SPECC1L: variants seen among roughly 807,000 people sequenced by gnomAD.
The protein encoded by SPECC1L is cytospin-A.
SPECC1L carries 40 observed loss-of-function variants against 116.8 expected under a neutral mutation model. The ratio of observed to expected loss-of-function variants is 0.34; its 90% CI spans 0.27 to 0.45. The LOEUF is 0.45. Among genes scored for constraint, SPECC1L ranks in the 20% least tolerant of loss-of-function variants. SPECC1L has a pLI of 1.00. For synonymous variants in SPECC1L, 504 were observed against 500.6 expected (o/e 1.01, Z -0.09); for missense variants, 1,110 against 1,373.6 (o/e 0.81, Z 3.03).
chr22:24,277,267 A>G (rs1284422568), intron 2 of SPECC1L, among the ~76,000 whole-genome samples: 3 of 152,144 alleles, frequency 2.0e-5, no homozygotes, highest in Non-Finnish European at 4.4e-5. Context: ...TTCCTCTCCC[A>G]GTCTCCGGTA....
chr22:24,316,130 ACCT>A (rs2040558547), intron 4 of SPECC1L, among the ~76,000 whole-genome samples: 1 of 151,642 alleles, frequency 6.6e-6, no homozygotes, highest in South Asian at 2.1e-4. Context: ...CTCTACCTTT[ACCT>A]CCTCCAGTGA....
intron 3 of SPECC1L, among the ~76,000 whole-genome samples, chr22:24,310,656 TTCTG>T (rs1222631885): frequency 1.3e-5 from 2 of 152,196 alleles, no homozygotes; most frequent in African/African-American, 4.8e-5. Flanking sequence ...TTGTTCATTT[TTCTG>T]TCTTTTTTTT....
intron 9 of SPECC1L, 78 bp from the exon 10 acceptor site, chr22:24,338,308 G>A: frequency 7.1e-7 from 1 of 1,400,226 alleles, no homozygotes; most frequent in Non-Finnish European, 1.0e-6. Flanking sequence ...GGGTAATCAG[G>A]CGAGTCCTTA....
At chr22:24,357,991 G>A (rs1288336932) in intron 11 of SPECC1L, among the ~76,000 whole-genome samples, 2 of 151,708 alleles carry the variant, frequency 1.3e-5, no homozygotes, top group Non-Finnish European at 2.9e-5. Context: ...CATAGGCCAT[G>A]TTCAGGTAGG....
intron 8 of SPECC1L, among the ~76,000 whole-genome samples, chr22:24,331,860 T>C (rs1050172542): frequency 1.3e-5 from 2 of 152,210 alleles, no homozygotes; most frequent in Non-Finnish European, 2.9e-5. Context: ...CACTTAAAGA[T>C]GTCCTTGGTA....
intron 14 of SPECC1L, among the ~76,000 whole-genome samples, chr22:24,370,496 C>T (rs887022029): frequency 1.3e-5 from 2 of 152,198 alleles, no homozygotes; most frequent in Admixed American, 6.5e-5. Context: ...AATGTTGTAA[C>T]TGCTGTGGAA....
In SPECC1L at chr22:24,302,324, C is replaced by G; in HGVS notation, c.93C>G (p.Ser31Arg). 6.2e-7 allele frequency: 1 copy of G among 1,614,158 alleles called. No individual in the cohort carries two copies. The highest frequency in any genetic ancestry group is 8.5e-7 in the Non-Finnish European group (1 of 1,180,012). Residue 31 changes from serine to arginine, a missense_variant, in exon 3 of 17, where the codon AGC (serine) becomes AGG (arginine). Ser to Arg is a moderately radical substitution (Grantham distance 110). This residue lies in a region of SPECC1L where 437 missense variants were observed against 482.6 expected (regional missense o/e 0.91). Coordinates refer to ENST00000314328, the MANE Select transcript of SPECC1L (RefSeq NM_015330.6). Reference protein sequence around the residue: ...QTAEKIKPENSSSASTGGKLV... With the variant: ...QTAEKIKPENRSSASTGGKLV... Reference sequence around the variant, plus strand: ...CAGAAAAAATTAAACCTGAAAACAGCTCTTCAGCATCTACGGGAGGCAAAC... The same window carrying G: ...CAGAAAAAATTAAACCTGAAAACAGGTCTTCAGCATCTACGGGAGGCAAAC...
chr22:24,395,533 G>C (rs2042350164), intron 14 of SPECC1L, among the ~76,000 whole-genome samples: 1 of 125,330 alleles, frequency 8.0e-6, no homozygotes, highest in Non-Finnish European at 1.9e-5. Flanking sequence ...CTCCAGAAAA[G>C]ACAGAGGAAG....
At chr22:24,401,779 G>C (rs2042479576) in intron 14 of SPECC1L, among the ~76,000 whole-genome samples, 1 of 152,192 alleles carries the variant, frequency 6.6e-6, no homozygotes, top group Admixed American at 6.5e-5. Flanking sequence ...TGTGGATTCA[G>C]ATCACCTGGG....
chr22:24,305,356 GTAAC>G (rs1273927694), intron 3 of SPECC1L, among the ~76,000 whole-genome samples: 1 of 152,142 alleles, frequency 6.6e-6, no homozygotes, highest in Non-Finnish European at 1.5e-5. Context: ...CTCCCCCAAA[GTAAC>G]TACCATTCTA....
chr22:24,276,378 G>T (rs559397159), intron 1 of SPECC1L, among the ~76,000 whole-genome samples: 249 of 152,302 alleles, frequency 1.6e-3, no homozygotes, highest in African/African-American at 4.5e-3. Context: ...GCTGCAGTGA[G>T]CTAGGGATCA....
chr22:24,366,161 G>C (rs1424381477), intron 13 of SPECC1L, among the ~76,000 whole-genome samples: 1 of 151,560 alleles, frequency 6.6e-6, no homozygotes, highest in East Asian at 1.9e-4. Context: ...TAGAAGAAAA[G>C]ATTGACTAGG....
At chr22:24,295,019 G>A (rs1469235559) in intron 2 of SPECC1L, among the ~76,000 whole-genome samples, 1 of 151,992 alleles carries the variant, frequency 6.6e-6, no homozygotes, top group Non-Finnish European at 1.5e-5. Flanking sequence ...GTTTTCCTCA[G>A]GAGGTTTTAA....
intron 4 of SPECC1L, among the ~76,000 whole-genome samples, chr22:24,317,307 G>A (rs1397266129): frequency 8.1e-6 from 1 of 123,652 alleles, no homozygotes; most frequent in African/African-American, 2.9e-5. Flanking sequence ...TGGCCAGGCG[G>A]GGGGCTGACC....
chr22:24,324,982 A>C (rs1288066197), intron 6 of SPECC1L, among the ~76,000 whole-genome samples: 2 of 152,206 alleles, frequency 1.3e-5, no homozygotes, highest in Non-Finnish European at 2.9e-5. Context: ...GGGGTTCATA[A>C]TCAATAATGG....
Position 24,416,966 on chromosome 22 carries a change from C to CT in SPECC1L, c.*2347dup, listed in dbSNP as rs2042811808. ...AGGGAGAGGGTTCCAGAAGCATTGC[C>CT]TTTTGCCTCGTCTAATAGGATCCTT... On this transcript the variant is annotated 3_prime_UTR_variant, in exon 17 of 17. Coordinates refer to ENST00000314328, the MANE Select transcript of SPECC1L (RefSeq NM_015330.6). 1 of 152,356 alleles carries CT rather than the reference C, an allele frequency of 6.6e-6. No homozygotes were observed. Among genetic ancestry groups the CT allele is most frequent in the East Asian group, 1.9e-4 (1 of 5,192 alleles). The allele number at this position is 152,356 out of a possible 1,614,324, so 9.4% of individuals were successfully genotyped here. A position where few individuals can be genotyped will look rare whatever the true frequency, so the allele number is the denominator to read the frequency against.
At chr22:24,357,717 A>G (rs951919748) in intron 11 of SPECC1L, among the ~76,000 whole-genome samples, 1 of 152,202 alleles carries the variant, frequency 6.6e-6, no homozygotes, top group Middle Eastern at 3.2e-3. Context: ...CCCTCAGGGC[A>G]GAACAGGCTT....
chr22:24,358,217 C>A (rs2041571125), intron 11 of SPECC1L, among the ~76,000 whole-genome samples: 1 of 150,960 alleles, frequency 6.6e-6, no homozygotes, highest in Non-Finnish European at 1.5e-5. Flanking sequence ...TGGGCTCAAG[C>A]TGTCCTCCCA....
chr22:24,327,277 C>CAAAAAAA (rs58725731), intron 6 of SPECC1L, among the ~76,000 whole-genome samples: 7 of 41,972 alleles, frequency 1.7e-4, no homozygotes, highest in Admixed American at 3.7e-4. Context: ...GACTCCGTCT[C>CAAAAAAA]AAAAAAAAAA....
Sources: gnomAD v4.1 joint callset for allele counts (sites outside exome capture counted in the v4.1 genomes callset) on GRCh38, gnomAD v4.1.1 for gene constraint, gnomAD v4.1.1 regional missense constraint, MANE v1.5 for transcripts, NCBI Gene and HGNC (gene_info 2026-07-23, HGNC 2026-07-21) for gene names.